Variants in WDR59 observed in about 807,000 individuals in gnomAD.
WDR59 encodes the protein WD repeat domain 59.
A neutral mutation model predicts 131.2 loss-of-function variants in WDR59; 100 were observed. That is an observed-to-expected ratio of 0.76 (90% CI 0.65 to 0.90). The LOEUF is 0.90. Among genes scored for constraint, WDR59 ranks in the 40% least tolerant of loss-of-function variants. WDR59 has a pLI of 0.00. For missense variants in WDR59, 1,203 were observed against 1,262.2 expected, an observed-to-expected ratio of 0.95 and a Z score of 0.71; for synonymous variants, 601 against 466.2, an observed-to-expected ratio of 1.29 and a Z score of -3.72.
In WDR59 at chr16:74,888,180, G is replaced by C; in HGVS notation, c.2335C>G (p.His779Asp). ...PNRSSNLVVS[H>D]SRYPSFTSSG... ...AAGGACAAACTTACATATCGACTAT[G>C]GGACACCACAAGATTAGAAGAACGG... Residue 779 changes from histidine (H) to aspartate (D), a missense_variant, in exon 22 of 26, where the codon CAT (histidine) becomes GAT (aspartate). Physicochemically the swap from His to Asp is moderately conservative, Grantham distance 81 (BLOSUM62 -1). Coordinates refer to ENST00000262144, the MANE Select transcript of WDR59 (RefSeq NM_030581.4). 1 of 1,606,486 alleles carries C rather than the reference G, an allele frequency of 6.2e-7. No homozygotes were observed. The highest frequency in any genetic ancestry group is 8.5e-7 in the Non-Finnish European group (1 of 1,178,112).
intron 18 of WDR59, among the ~76,000 whole-genome samples, chr16:74,902,362 G>A (rs1381345540): frequency 6.6e-6 from 1 of 152,076 alleles, no homozygotes; most frequent in African/African-American, 2.4e-5. Flanking sequence ...CTCCCCTGCA[G>A]ATACTATCAG....
chr16:74,923,511 T>G (rs927158932), intron 9 of WDR59, among the ~76,000 whole-genome samples: 5 of 152,198 alleles, frequency 3.3e-5, no homozygotes, highest in Non-Finnish European at 5.9e-5. Flanking sequence ...GGAGTCTCGC[T>G]CTGTCACCCA....
At chr16:74,917,816 A>C in intron 11 of WDR59, 113 bp downstream of exon 11, 1 of 929,744 alleles carries the variant, frequency 1.1e-6, no homozygotes, top group Non-Finnish European at 1.6e-6. Flanking sequence ...CTCAAAAAAA[A>C]AAAAAAAAAA....
chr16:74,926,264 G>C (rs983436557), intron 8 of WDR59, among the ~76,000 whole-genome samples: 1 of 151,928 alleles, frequency 6.6e-6, no homozygotes, highest in African/African-American at 2.4e-5. Flanking sequence ...TTTCACCATG[G>C]CCAGGCTGGT....
Position 74,909,481 on chromosome 16 carries a change from A to G in WDR59, c.1642+20T>C. 2.6e-6 allele frequency: 4 copies of G among 1,522,620 alleles called. No individual in the cohort carries two copies. In the South Asian group the frequency reaches 5.2e-5, roughly 20 times the overall value. 94.3% of individuals were successfully genotyped at this position (1,522,620 alleles called of 1,614,324 possible). A position where few individuals can be genotyped will look rare whatever the true frequency, so the allele number is the denominator to read the frequency against. ...CTGCTCCCTCTCGAAATCTAGAATC[A>G]AAGAACCAAAGAGACCCACCTGCTC... On this transcript the variant is annotated intron_variant, in intron 16 of 25. Coordinates refer to ENST00000262144, the MANE Select transcript of WDR59 (RefSeq NM_030581.4).
At chr16:74,885,071 G>A (rs1250531567) in intron 25 of WDR59, among the ~76,000 whole-genome samples, 1 of 152,238 alleles carries the variant, frequency 6.6e-6, no homozygotes, top group Non-Finnish European at 1.5e-5. Context: ...CCTAAGAGGA[G>A]TCGGACACAC....
At chr16:74,983,366 G>A (rs141250079) in intron 1 of WDR59, among the ~76,000 whole-genome samples, 4 of 152,110 alleles carry the variant, frequency 2.6e-5, no homozygotes, top group Admixed American at 1.3e-4. Flanking sequence ...CCAGCTACTC[G>A]GGAGGCTGAG....
intron 2 of WDR59, among the ~76,000 whole-genome samples, chr16:74,956,905 C>G (rs2033318671): frequency 6.6e-6 from 1 of 152,102 alleles, no homozygotes; most frequent in South Asian, 2.1e-4. Context: ...CCCAGCCTTT[C>G]CCAATCCCCC....
chr16:74,984,478 T>C (rs2034546994), intron 1 of WDR59: 8 of 185,026 alleles, frequency 4.3e-5, no homozygotes, highest in Admixed American at 4.3e-4. Flanking sequence ...TCCAGTATGA[T>C]GGCATTAAGA....
At chr16:74,959,489 G>T (rs1459929494) in intron 2 of WDR59, 5 of 445,348 alleles carry the variant, frequency 1.1e-5, no homozygotes, top group African/African-American at 2.0e-5. Flanking sequence ...TTCATGGTTG[G>T]AAGCAGCAGC....
intron 7 of WDR59, among the ~76,000 whole-genome samples, chr16:74,938,779 C>G (rs890134082): frequency 6.6e-6 from 1 of 152,156 alleles, no homozygotes; most frequent in East Asian, 1.9e-4. Context: ...CTCAAGCGAA[C>G]CCCCTGCTTT....
At chr16:74,906,792 A>G (rs557996285) in intron 17 of WDR59, among the ~76,000 whole-genome samples, 1 of 152,340 alleles carries the variant, frequency 6.6e-6, no homozygotes, top group South Asian at 2.1e-4. Flanking sequence ...AGAACAGGCA[A>G]AACTACCATG....
chr16:74,938,429 C>A (rs752224269), intron 7 of WDR59, among the ~76,000 whole-genome samples, 163 bp from the exon 8 acceptor site: 1 of 152,186 alleles, frequency 6.6e-6, no homozygotes, highest in Non-Finnish European at 1.5e-5. Context: ...AACAAAACAC[C>A]ATCACCAAAA....
At position 74,970,437 on chromosome 16, in the gene WDR59, A is replaced by C. The variant is rs9940732; in HGVS notation, c.55-4615T>G. On this transcript the variant is annotated intron_variant, in intron 1 of 25. Transcript: ENST00000262144. ...CATGAACCCAGGAGGCGGAGCTTGC[A>C]GTGAGCCAAGATGCGCCACTGCACT... 3.8e-3 allele frequency among the ~76,000 whole-genome samples: 548 copies of C among 144,882 alleles called. 4 individuals are homozygous for C. The highest frequency in any genetic ancestry group is 0.013 in the African/African-American group (513 of 39,614).
chr16:74,889,973 C>G lies in WDR59; in HGVS notation c.2083-158G>C, dbSNP rs539578755. 2.0e-5 allele frequency among the ~76,000 whole-genome samples: 3 copies of G among 152,288 alleles called. No individual in the cohort carries two copies. The South Asian group carries it at 6.2e-4, about 32-fold the overall frequency. Reference sequence around the variant, plus strand: ...TTGAAATGCATAAGTTTAGGCCCCACTTAGACCTACTGAATCAGCGTTTAC... The same window carrying G: ...TTGAAATGCATAAGTTTAGGCCCCAGTTAGACCTACTGAATCAGCGTTTAC... On this transcript the variant is annotated intron_variant, in intron 20 of 25. Coordinates refer to ENST00000262144, the MANE Select transcript of WDR59 (RefSeq NM_030581.4).
chr16:74,906,320 A>AAAAAAAAAAAAAAAAAAAAAAAAAAAAC (rs765077670), intron 17 of WDR59, among the ~76,000 whole-genome samples: 2 of 136,358 alleles, frequency 1.5e-5, no homozygotes, highest in African/African-American at 5.2e-5. Context: ...TCTCAAAAAA[A>AAAAAAAAAAAAAAAAAAAAAAAAAAAAC]AAAAAACCCA....
chr16:74,882,829 A>AG (rs1964563539), intron 25 of WDR59, among the ~76,000 whole-genome samples: 1 of 135,486 alleles, frequency 7.4e-6, no homozygotes, highest in African/African-American at 2.8e-5. Flanking sequence ...AAAAAAAAAA[A>AG]AAAGAAAGAA....
rs377658416 is a variant in WDR59 at position 74,974,651 on chromosome 16, T to C, written c.55-8829A>G. ...AGAGCCTCCCTGTGCCTCAACTGTA[T>C]GTACAAACGACGTAGTTTACGCTGA... On this transcript the variant is annotated intron_variant, in intron 1 of 25. Coordinates refer to ENST00000262144, the MANE Select transcript of WDR59 (RefSeq NM_030581.4). 1.7e-4 allele frequency among the ~76,000 whole-genome samples: 26 copies of C among 152,298 alleles called. 3 individuals are homozygous for C. The highest frequency in any genetic ancestry group is 1.0e-3 in the South Asian group (5 of 4,822).
At chr16:74,888,701 G>C (rs1356159526) in intron 21 of WDR59, among the ~76,000 whole-genome samples, 1 of 152,166 alleles carries the variant, frequency 6.6e-6, no homozygotes, top group African/African-American at 2.4e-5. Context: ...CACTGCTTTT[G>C]GGGGATTCCC....
Sources: allele counts gnomAD v4.1 joint callset (sites outside exome capture counted in the v4.1 genomes callset), GRCh38; gene constraint gnomAD v4.1.1; transcripts MANE v1.5; gene names NCBI Gene and HGNC (gene_info 2026-07-23, HGNC 2026-07-21).